Variants in CACNA2D3 observed in about 807,000 individuals in gnomAD.
CACNA2D3 encodes calcium voltage-gated channel auxiliary subunit alpha2delta 3.
A neutral mutation model predicts 160.6 loss-of-function variants in CACNA2D3; 60 were observed. The observed-to-expected ratio is 0.37, with a 90% CI of 0.30 to 0.46. CACNA2D3 has a LOEUF of 0.46. CACNA2D3 is among the 20% of genes least tolerant of loss of function. The pLI, the probability that CACNA2D3 is intolerant of heterozygous loss-of-function variation, is 1.00. For missense variants in CACNA2D3, 1,205 were observed against 1,365.0 expected (o/e 0.88, Z 1.85); for synonymous variants, 558 against 492.9 (o/e 1.13, Z -1.75).
At chr3:54,681,008 A>G (rs972675149) in intron 11 of CACNA2D3, among the ~76,000 whole-genome samples, 1 of 152,086 alleles carries the variant, frequency 6.6e-6, no homozygotes, top group Non-Finnish European at 1.5e-5. Flanking sequence ...CTCTGTTGTT[A>G]AGAGAGAGAA....
At chr3:54,442,312 C>T (rs1360214857) in intron 4 of CACNA2D3, among the ~76,000 whole-genome samples, 2 of 152,120 alleles carry the variant, frequency 1.3e-5, no homozygotes, top group Non-Finnish European at 2.9e-5. Context: ...ATGCTTCTTC[C>T]ATCACATAAA....
intron 14 of CACNA2D3, among the ~76,000 whole-genome samples, chr3:54,821,697 T>TTTTC (rs1703603822): frequency 1.2e-5 from 1 of 84,096 alleles, no homozygotes; most frequent in Admixed American, 1.2e-4. Context: ...TCTTTCTTTC[T>TTTTC]TTCCTTCCTT....
chr3:54,768,280 A>G (rs1702257619), intron 13 of CACNA2D3, among the ~76,000 whole-genome samples: 2 of 152,334 alleles, frequency 1.3e-5, no homozygotes, highest in East Asian at 1.9e-4. Context: ...ACCACCAATG[A>G]GAAGCAGATG....
intron 5 of CACNA2D3, among the ~76,000 whole-genome samples, chr3:54,529,913 G>A (rs1575505741): frequency 6.6e-6 from 1 of 152,142 alleles, no homozygotes; most frequent in Non-Finnish European, 1.5e-5. Flanking sequence ...GGGTAGAGGT[G>A]GGCAGGCAGA....
chr3:54,464,763 C>T (rs899505377), intron 4 of CACNA2D3, among the ~76,000 whole-genome samples: 1 of 152,222 alleles, frequency 6.6e-6, no homozygotes, highest in Non-Finnish European at 1.5e-5. Flanking sequence ...TCGGCTAGCG[C>T]ACGGTGCGCT....
At chr3:54,557,476 C>CA (rs1702258625) in intron 5 of CACNA2D3, among the ~76,000 whole-genome samples, 1 of 152,096 alleles carries the variant, frequency 6.6e-6, no homozygotes, top group South Asian at 2.1e-4. Context: ...CAAAACTGGG[C>CA]AAATCCCAGT....
chr3:54,588,184 C>A (rs1438718420), intron 9 of CACNA2D3, among the ~76,000 whole-genome samples: 2 of 152,146 alleles, frequency 1.3e-5, no homozygotes, highest in Non-Finnish European at 2.9e-5. Context: ...ATGTAATCTA[C>A]TATATCAACA....
At chr3:54,551,872 C>T (rs976027712) in intron 5 of CACNA2D3, among the ~76,000 whole-genome samples, 3 of 152,144 alleles carry the variant, frequency 2.0e-5, no homozygotes, top group Admixed American at 1.3e-4. Context: ...ATGTCCTTTC[C>T]AGCCAGAGCC....
chr3:54,319,804 TTATAA>T (rs1575392699), intron 2 of CACNA2D3, among the ~76,000 whole-genome samples: 2 of 152,114 alleles, frequency 1.3e-5, no homozygotes, highest in Non-Finnish European at 1.5e-5. Context: ...AACATATATA[TTATAA>T]TATATTTTAT....
intron 2 of CACNA2D3, among the ~76,000 whole-genome samples, chr3:54,224,047 T>A (rs1490166994): frequency 6.6e-6 from 1 of 152,098 alleles, no homozygotes; most frequent in Non-Finnish European, 1.5e-5. Context: ...CTATTAAATT[T>A]TTTTTTTACT....
intron 2 of CACNA2D3, among the ~76,000 whole-genome samples, chr3:54,234,629 T>C (rs1000967868): frequency 2.3e-4 from 35 of 151,988 alleles, no homozygotes; most frequent in African/African-American, 7.7e-4. Flanking sequence ...CAATGATAGA[T>C]TGGATAAAGA....
intron 2 of CACNA2D3, among the ~76,000 whole-genome samples, chr3:54,152,386 T>C (rs1229300554): frequency 6.6e-6 from 1 of 151,728 alleles, no homozygotes; most frequent in East Asian, 2.0e-4. Context: ...TTTAAAATGA[T>C]GCTCACTTAA....
rs117503365 is a variant in CACNA2D3, at chr3:54,175,367, C to T, written c.204+51773C>T. On this transcript the variant is annotated intron_variant, in intron 2 of 37. Coordinates refer to ENST00000474759, the MANE Select transcript of CACNA2D3 (RefSeq NM_018398.3). ...CGCGGTGGTTTACGCCTGTAATCCC[C>T]GCGCTTTGGGAGACCGAGGCGGGCG... 4.2e-3 allele frequency among the ~76,000 whole-genome samples: 635 copies of T among 151,976 alleles called. 15 individuals carry two copies. The East Asian group carries it at 0.051, about 12-fold the overall frequency.
chr3:54,393,565 C>T (rs567803387), intron 4 of CACNA2D3, among the ~76,000 whole-genome samples: 4 of 152,334 alleles, frequency 2.6e-5, no homozygotes, highest in Admixed American at 6.5e-5. Flanking sequence ...TCTACCTACC[C>T]CTCCCAGTCA....
intron 23 of CACNA2D3, 125 bp downstream of exon 23, chr3:54,885,711 A>G (rs564981367): frequency 3.0e-6 from 2 of 674,876 alleles, no homozygotes; most frequent in Admixed American, 4.7e-5. Flanking sequence ...GTCACATGAA[A>G]TCTAATCAAA....
intron 8 of CACNA2D3, among the ~76,000 whole-genome samples, chr3:54,578,715 G>C (rs139357793): frequency 6.6e-6 from 1 of 152,332 alleles, no homozygotes; most frequent in African/African-American, 2.4e-5. Flanking sequence ...TCTGAAGAGC[G>C]GATTCTTCCA....
chr3:54,789,791 G>A, intron 13 of CACNA2D3: 1 of 497,570 alleles, frequency 2.0e-6, no homozygotes, highest in South Asian at 1.5e-5. Flanking sequence ...AGTGTTCACT[G>A]AGGCCAGTTT....
At position 54,508,943 on chromosome 3, in the gene CACNA2D3, T is replaced by A. The variant is rs557315658; in HGVS notation, c.544+5289T>A. Among the ~76,000 whole-genome samples the A allele has an allele frequency of 5.7e-4, 87 of 152,278 alleles. 1 individual carries two copies. The South Asian group carries it at 0.018, about 31-fold the overall frequency. ...AAAAAGCCCAAGAAAAGGGCAGAAG[T>A]CTGATGAGATGGCATTGGGTCCCCT... On this transcript the variant is annotated intron_variant, in intron 5 of 37. Transcript: ENST00000474759.
chr3:54,839,116 G>C (rs751895916), intron 16 of CACNA2D3, among the ~76,000 whole-genome samples: 1 of 152,146 alleles, frequency 6.6e-6, no homozygotes, highest in Non-Finnish European at 1.5e-5. Context: ...CAATTAGCCG[G>C]TCGTGATGGC....
Sources: gnomAD v4.1 joint callset for allele counts (sites outside exome capture counted in the v4.1 genomes callset) on GRCh38, gnomAD v4.1.1 for gene constraint, MANE v1.5 for transcripts, NCBI Gene and HGNC (gene_info 2026-07-23, HGNC 2026-07-21) for gene names.